The following CCDC178 variants were observed in gnomAD, a reference collection of about 807,000 sequenced individuals.
CCDC178 encodes the protein coiled-coil domain-containing protein 178.
CCDC178 carries 126 observed loss-of-function variants against 117.4 expected under a neutral mutation model. The observed-to-expected ratio is 1.07, with a 90% CI of 0.93 to 1.24. The LOEUF (loss-of-function observed/expected upper bound fraction) is 1.24. CCDC178 is among the 50% of genes most tolerant of loss of function. The pLI, the probability that CCDC178 is intolerant of heterozygous loss-of-function variation, is 0.00. For missense variants in CCDC178, 1,030 were observed against 986.9 expected, an observed-to-expected ratio of 1.04 and a Z score of -0.59; for synonymous variants, 283 against 313.4, an observed-to-expected ratio of 0.90 and a Z score of 1.02.
chr18:33,202,284 C>T (rs2058997928), intron 20 of CCDC178, among the ~76,000 whole-genome samples: 1 of 149,792 alleles, frequency 6.7e-6, no homozygotes, highest in Non-Finnish European at 1.5e-5. Flanking sequence ...TCCAGGTACT[C>T]GGGACGCTGA....
intron 21 of CCDC178, among the ~76,000 whole-genome samples, chr18:33,067,860 GA>G (rs936552257): frequency 6.7e-6 from 1 of 150,282 alleles, no homozygotes; most frequent in Non-Finnish European, 1.5e-5. Flanking sequence ...TAAAAAGAAA[GA>G]AAGAAAAAAA....
intron 22 of CCDC178, among the ~76,000 whole-genome samples, chr18:32,964,658 G>A (rs2054773201): frequency 6.6e-6 from 1 of 151,902 alleles, no homozygotes; most frequent in South Asian, 2.1e-4. Flanking sequence ...TTGGATAGGT[G>A]CTGTTTATAC....
intron 2 of CCDC178, among the ~76,000 whole-genome samples, chr18:33,424,109 G>A (rs2064077223): frequency 6.6e-6 from 1 of 151,962 alleles, no homozygotes; most frequent in Admixed American, 6.6e-5. Flanking sequence ...AGTAAATAGT[G>A]CAAATATATT....
intron 22 of CCDC178, among the ~76,000 whole-genome samples, chr18:32,942,653 C>T (rs1217382882): frequency 6.6e-6 from 1 of 152,032 alleles, no homozygotes. Flanking sequence ...ATTGATCTTG[C>T]AGCTTATAAA....
intron 20 of CCDC178, among the ~76,000 whole-genome samples, chr18:33,207,564 C>G (rs1354283628): frequency 6.7e-6 from 1 of 150,216 alleles, no homozygotes; most frequent in Non-Finnish European, 1.5e-5. Context: ...ATCATAATAT[C>G]TAAAGTATGT....
In CCDC178 at chr18:33,009,632, C is replaced by T. The variant is rs768838314; in HGVS notation, c.2389-34951G>A. On this transcript the variant is annotated intron_variant, in intron 21 of 22. Transcript: ENST00000383096. ...TCCATCCCTTCCCCAACACACATTC[C>T]TATATCCATTCTAGATTAATTTCTT... Among the ~76,000 whole-genome samples the T allele has an allele frequency of 5.9e-4, 89 of 152,124 alleles. 1 individual carries two copies. Among genetic ancestry groups the T allele is most frequent in the Non-Finnish European group, 1.2e-3 (81 of 67,998 alleles).
chr18:32,952,779 T>A (rs1291754094), intron 22 of CCDC178, among the ~76,000 whole-genome samples: 2 of 150,700 alleles, frequency 1.3e-5, no homozygotes, highest in East Asian at 3.9e-4. Flanking sequence ...AAACTTTTTT[T>A]TTTTTTTTTT....
At chr18:33,294,807 A>G (rs1350615032) in intron 11 of CCDC178, among the ~76,000 whole-genome samples, 1 of 152,154 alleles carries the variant, frequency 6.6e-6, no homozygotes, top group African/African-American at 2.4e-5. Flanking sequence ...AGAATACACT[A>G]TGGACTTTTG....
chr18:33,285,710 A>C (rs905187971), intron 12 of CCDC178, among the ~76,000 whole-genome samples: 5 of 152,166 alleles, frequency 3.3e-5, no homozygotes, highest in Admixed American at 6.5e-5. Context: ...ATGAGAAACT[A>C]AAATCATCTT....
At position 33,048,299 on chromosome 18, in the gene CCDC178, C is replaced by T. The variant is rs1026843568; in HGVS notation, c.2388+44462G>A. ...GCCAGTTTCTGGTACATTATTACAG[C>T]AGCCCTTAACAGTATGCTTATACCA... is the stretch of plus-strand genomic sequence containing the variant. On this transcript the variant is annotated intron_variant, in intron 21 of 22. Coordinates refer to ENST00000383096, the MANE Select transcript of CCDC178 (RefSeq NM_001105528.4). Among the ~76,000 whole-genome samples, 7 of 152,308 alleles carry T rather than the reference C, an allele frequency of 4.6e-5. No homozygotes were observed. In the East Asian group the frequency reaches 1.4e-3, roughly 29 times the overall value.
intron 20 of CCDC178, among the ~76,000 whole-genome samples, chr18:33,095,798 G>A (rs1226862101): frequency 2.0e-5 from 3 of 151,630 alleles, no homozygotes; most frequent in Non-Finnish European, 4.4e-5. Flanking sequence ...ACTTTTAAGT[G>A]TATATATACT....
intron 21 of CCDC178, among the ~76,000 whole-genome samples, chr18:33,020,600 T>A (rs561811892): frequency 8.5e-4 from 129 of 152,314 alleles, no homozygotes; most frequent in African/African-American, 3.0e-3. Context: ...TTTACTTTTT[T>A]AAAAGCAATT....
chr18:33,306,378 T>C (rs930101874), intron 11 of CCDC178, among the ~76,000 whole-genome samples: 3 of 149,198 alleles, frequency 2.0e-5, no homozygotes, highest in Non-Finnish European at 1.5e-5. Flanking sequence ...TATTATCTCA[T>C]GGCCAAAAGT....
At position 32,937,447 on chromosome 18, in the gene CCDC178, C is replaced by T. The variant is rs2054144492; in HGVS notation, c.*564G>A. ...AATTTATTCATTAATCATTCATCTC[C>T]AGCTCATTGAAAACTTTAAACTTCC... On this transcript the variant is annotated 3_prime_UTR_variant, in exon 23 of 23. Transcript: ENST00000383096. 6.6e-6 allele frequency: 1 copy of T among 152,160 alleles called. No individual in the cohort carries two copies. Among genetic ancestry groups the T allele is most frequent in the East Asian group, 1.9e-4 (1 of 5,200 alleles). 9.4% of individuals were successfully genotyped at this position (152,160 alleles called of 1,614,324 possible). A position where few individuals can be genotyped will look rare whatever the true frequency, so the allele number is the denominator to read the frequency against.
At chr18:33,327,248 G>A (rs999755983) in intron 10 of CCDC178, among the ~76,000 whole-genome samples, 3 of 151,914 alleles carry the variant, frequency 2.0e-5, no homozygotes, top group East Asian at 1.9e-4. Context: ...ATGCTTTGAC[G>A]TTATATTCAT....
chr18:33,214,187 A>G (rs1033584216), intron 19 of CCDC178, among the ~76,000 whole-genome samples: 1 of 152,004 alleles, frequency 6.6e-6, no homozygotes, highest in South Asian at 2.1e-4. Flanking sequence ...AAATGATACA[A>G]TTTAACCACT....
At chr18:33,085,924 G>T (rs2057371537) in intron 21 of CCDC178, among the ~76,000 whole-genome samples, 1 of 151,946 alleles carries the variant, frequency 6.6e-6, no homozygotes, top group Non-Finnish European at 1.5e-5. Flanking sequence ...CTGTAGATTT[G>T]TGAAAAGATT....
intron 20 of CCDC178, among the ~76,000 whole-genome samples, chr18:33,107,025 A>G (rs1381574333): frequency 6.6e-6 from 1 of 151,706 alleles, no homozygotes; most frequent in African/African-American, 2.4e-5. Context: ...ATGAGCAAGG[A>G]AACAGATGCT....
chr18:33,401,402 T>C (rs544911069), intron 3 of CCDC178, among the ~76,000 whole-genome samples: 149 of 152,300 alleles, frequency 9.8e-4, no homozygotes, highest in Non-Finnish European at 1.7e-3. Context: ...AGTCAGTTTC[T>C]ACAAAGAGTT....
Sources: allele counts gnomAD v4.1 joint callset (sites outside exome capture counted in the v4.1 genomes callset), GRCh38; gene constraint gnomAD v4.1.1; transcripts MANE v1.5; gene names NCBI Gene and HGNC (gene_info 2026-07-23, HGNC 2026-07-21).